Variants in KCNH7 observed in about 807,000 individuals in gnomAD.
KCNH7 encodes voltage-gated inwardly rectifying potassium channel KCNH7.
KCNH7 carries 49 observed loss-of-function variants against 120.8 expected under a neutral mutation model. The observed-to-expected ratio is 0.41, with a 90% CI of 0.32 to 0.51. The LOEUF (loss-of-function observed/expected upper bound fraction) is 0.51, where lower values mean the gene tolerates loss of function less well. KCNH7 is among the 20% of genes least tolerant of loss of function. KCNH7 has a pLI of 0.38. For synonymous variants in KCNH7, 547 were observed against 516.1 expected, an observed-to-expected ratio of 1.06 and a Z score of -0.81; for missense variants, 1,097 against 1,446.6, an observed-to-expected ratio of 0.76 and a Z score of 3.92.
intron 6 of KCNH7, 44 bp from the exon 7 acceptor site, chr2:162,446,487 T>G: frequency 7.1e-7 from 1 of 1,412,308 alleles, no homozygotes; most frequent in Non-Finnish European, 9.7e-7. Flanking sequence ...AATATGCCAT[T>G]TTTAATCTGG....
chr2:162,465,853 T>C (rs940801606), intron 6 of KCNH7, among the ~76,000 whole-genome samples: 1 of 152,204 alleles, frequency 6.6e-6, no homozygotes, highest in African/African-American at 2.4e-5. Context: ...AGGCATCTAT[T>C]TTCCCAGATG....
chr2:162,717,870 T>C (rs891182969), intron 2 of KCNH7, among the ~76,000 whole-genome samples: 1 of 152,032 alleles, frequency 6.6e-6, no homozygotes, highest in African/African-American at 2.4e-5. Flanking sequence ...AGAATAAAAT[T>C]CCTTAGCTGA....
chr2:162,464,431 C>T (rs1360076551), intron 6 of KCNH7, among the ~76,000 whole-genome samples: 1 of 151,882 alleles, frequency 6.6e-6, no homozygotes, highest in Non-Finnish European at 1.5e-5. Flanking sequence ...CTAACTGAAA[C>T]AAAAAGTATT....
intron 2 of KCNH7, among the ~76,000 whole-genome samples, chr2:162,595,992 T>G (rs891870961): frequency 3.8e-4 from 58 of 152,062 alleles, no homozygotes; most frequent in African/African-American, 1.4e-3. Context: ...GTGGTAAGGT[T>G]AACTAACCAG....
At chr2:162,714,766 A>G (rs1687050217) in intron 2 of KCNH7, among the ~76,000 whole-genome samples, 1 of 152,216 alleles carries the variant, frequency 6.6e-6, no homozygotes, top group Non-Finnish European at 1.5e-5. Context: ...CTTTATGGAC[A>G]CTGAAATTTA....
At chr2:162,500,294 G>C (rs1009832334) in intron 6 of KCNH7, among the ~76,000 whole-genome samples, 2 of 146,768 alleles carry the variant, frequency 1.4e-5, no homozygotes, top group Non-Finnish European at 3.0e-5. Context: ...TATATAACAT[G>C]TATATTATAT....
chr2:162,531,722 G>T (rs1255208085), intron 3 of KCNH7, among the ~76,000 whole-genome samples: 1 of 151,712 alleles, frequency 6.6e-6, no homozygotes, highest in Non-Finnish European at 1.5e-5. Context: ...GTATAATATT[G>T]TTCAGGGAAA....
intron 2 of KCNH7, among the ~76,000 whole-genome samples, chr2:162,662,059 C>T (rs1684981307): frequency 6.6e-6 from 1 of 152,018 alleles, no homozygotes; most frequent in South Asian, 2.1e-4. Context: ...GTCATGAGTT[C>T]AAGACCAGCC....
intron 2 of KCNH7, among the ~76,000 whole-genome samples, chr2:162,779,602 T>C (rs1428729377): frequency 6.6e-6 from 1 of 152,232 alleles, no homozygotes; most frequent in African/African-American, 2.4e-5. Flanking sequence ...TTATAACTTC[T>C]GAATAGTTGC....
chr2:162,437,989 T>C (rs1196566582), intron 7 of KCNH7, among the ~76,000 whole-genome samples: 1 of 152,158 alleles, frequency 6.6e-6, no homozygotes, highest in Non-Finnish European at 1.5e-5. Flanking sequence ...CTCAGCTTCC[T>C]ATGTTTATTT....
intron 2 of KCNH7, among the ~76,000 whole-genome samples, chr2:162,819,625 C>T (rs1685035502): frequency 6.6e-6 from 1 of 152,082 alleles, no homozygotes; most frequent in Non-Finnish European, 1.5e-5. Flanking sequence ...AATCTGGTTG[C>T]CACTTGAAAG....
chr2:162,794,289 A>G (rs1684058423), intron 2 of KCNH7, among the ~76,000 whole-genome samples: 1 of 151,706 alleles, frequency 6.6e-6, no homozygotes, highest in South Asian at 2.1e-4. Context: ...AGGAAAGGGA[A>G]AGAGGGAGTT....
intron 2 of KCNH7, among the ~76,000 whole-genome samples, chr2:162,781,194 T>C (rs1170960057): frequency 1.3e-5 from 2 of 152,118 alleles, no homozygotes; most frequent in African/African-American, 4.8e-5. Flanking sequence ...TCAGTTTGCA[T>C]TTTGTCTTCA....
intron 13 of KCNH7, among the ~76,000 whole-genome samples, chr2:162,382,962 A>G (rs551683480): frequency 6.6e-6 from 1 of 151,944 alleles, no homozygotes; most frequent in Non-Finnish European, 1.5e-5. Flanking sequence ...TTGCCCTGTA[A>G]ATTTTTAAAA....
At chr2:162,610,874 G>GT (rs1682940454) in intron 2 of KCNH7, among the ~76,000 whole-genome samples, 1 of 152,176 alleles carries the variant, frequency 6.6e-6, no homozygotes, top group Non-Finnish European at 1.5e-5. Flanking sequence ...GGACTGTTCT[G>GT]TAAGACAATA....
At chr2:162,698,823 T>C (rs1452338043) in intron 2 of KCNH7, among the ~76,000 whole-genome samples, 1 of 152,146 alleles carries the variant, frequency 6.6e-6, no homozygotes, top group Non-Finnish European at 1.5e-5. Context: ...CCCCCTATGT[T>C]ATAATTACTC....
chr2:162,783,984 G>T (rs1033473757), intron 2 of KCNH7, among the ~76,000 whole-genome samples: 17 of 151,894 alleles, frequency 1.1e-4, no homozygotes, highest in African/African-American at 4.1e-4. Flanking sequence ...CTAATTACTA[G>T]ATGTCTGAAT....
intron 2 of KCNH7, among the ~76,000 whole-genome samples, chr2:162,689,149 T>C (rs1173305603): frequency 2.6e-5 from 4 of 151,392 alleles, no homozygotes; most frequent in African/African-American, 7.3e-5. Context: ...GTTACTATTA[T>C]TATTATTATT....
At chr2:162,736,508 TGA>T (rs140817739) in intron 2 of KCNH7, among the ~76,000 whole-genome samples, 1,524 of 152,178 alleles carry the variant, frequency 0.01, 15 homozygotes, top group African/African-American at 0.03. Context: ...AAAGCAAAAG[TGA>T]GAGATTATAG....
Sources: gnomAD v4.1 joint callset for allele counts (sites outside exome capture counted in the v4.1 genomes callset) on GRCh38, gnomAD v4.1.1 for gene constraint, MANE v1.5 for transcripts, NCBI Gene and HGNC (gene_info 2026-07-23, HGNC 2026-07-21) for gene names.